The following CD200R1 variants were observed in gnomAD, a reference collection of about 807,000 sequenced individuals.
CD200R1 encodes the protein cell surface glycoprotein CD200 receptor 1.
In CD200R1, 30 loss-of-function variants were observed where a neutral mutation model predicts 38.1. That is an observed-to-expected ratio of 0.79 (90% CI 0.59 to 1.07). The LOEUF (loss-of-function observed/expected upper bound fraction) is 1.07, where lower values mean the gene tolerates loss of function less well. Ranked by LOEUF, CD200R1 falls within the 50% of genes least tolerant of loss-of-function variation. The pLI is 0.00. For missense variants in CD200R1, 372 were observed against 415.4 expected (o/e 0.90, Z 0.91); for synonymous variants, 128 against 152.1 (o/e 0.84, Z 1.16).
intron 2 of CD200R1, among the ~76,000 whole-genome samples, chr3:112,936,794 C>G (rs1419743271): frequency 2.0e-5 from 3 of 152,106 alleles, no homozygotes; most frequent in Non-Finnish European, 2.9e-5. Context: ...TGCAGAAGCT[C>G]TTTAGTTTAA....
At chr3:112,929,119 A>C in intron 4 of CD200R1, 55 bp from the exon 5 acceptor site, 1 of 1,612,244 alleles carries the variant, frequency 6.2e-7, no homozygotes, top group Non-Finnish European at 8.5e-7. Context: ...AAGCATATGG[A>C]ATTCAGAGAG....
At chr3:112,960,110 A>T (rs1007769838) in intron 1 of CD200R1, among the ~76,000 whole-genome samples, 3 of 152,088 alleles carry the variant, frequency 2.0e-5, no homozygotes, top group East Asian at 3.8e-4. Context: ...CTGAGATCTT[A>T]TTCACAAACA....
At chr3:112,964,374 G>A (rs887676459) in intron 1 of CD200R1, among the ~76,000 whole-genome samples, 2 of 152,154 alleles carry the variant, frequency 1.3e-5, no homozygotes, top group Admixed American at 6.5e-5. Context: ...CAGCCAGGAG[G>A]GTGGCTGTAC....
chr3:112,959,485 C>T (rs1459804055), intron 1 of CD200R1, among the ~76,000 whole-genome samples: 1 of 152,006 alleles, frequency 6.6e-6, no homozygotes, highest in African/African-American at 2.4e-5. Flanking sequence ...GGACTTGGGG[C>T]CTCTGTGCTG....
At chr3:112,970,854 A>C (rs1933289815) in intron 1 of CD200R1, among the ~76,000 whole-genome samples, 1 of 152,128 alleles carries the variant, frequency 6.6e-6, no homozygotes, top group African/African-American at 2.4e-5. Context: ...CTCCTACATG[A>C]GGTTAAGCAC....
At chr3:112,967,710 A>T (rs1024052060) in intron 1 of CD200R1, among the ~76,000 whole-genome samples, 1 of 152,178 alleles carries the variant, frequency 6.6e-6, no homozygotes, top group Non-Finnish European at 1.5e-5. Context: ...AATCTCAAAC[A>T]TTTAGCTGAA....
At chr3:112,970,566 AGAG>A (rs1303311510) in intron 1 of CD200R1, among the ~76,000 whole-genome samples, 1 of 152,228 alleles carries the variant, frequency 6.6e-6, no homozygotes, top group African/African-American at 2.4e-5. Context: ...ATAAGGCAGA[AGAG>A]GTAAAAACAT....
Position 112,936,218 on chromosome 3 carries a change from G to T in CD200R1, c.137-5047C>A, listed in dbSNP as rs144285985. ...CAGTCTATCACTGATGGGCATTTAG[G>T]TTGACTTCATGTCTTTGCTATTGTG... On this transcript the variant is annotated intron_variant, in intron 2 of 7. Coordinates refer to ENST00000308611, the MANE Select transcript of CD200R1 (RefSeq NM_138806.4). Among the ~76,000 whole-genome samples, 352 of 152,264 alleles carry T rather than the reference G, an allele frequency of 2.3e-3. 1 individual carries two copies. The highest frequency in any genetic ancestry group is 7.3e-3 in the African/African-American group (302 of 41,560).
At chr3:112,954,584 G>A (rs893237435) in intron 1 of CD200R1, among the ~76,000 whole-genome samples, 17 of 152,144 alleles carry the variant, frequency 1.1e-4, no homozygotes, top group Non-Finnish European at 1.6e-4. Flanking sequence ...TGAAGGTTAT[G>A]TTGATCACCA....
intron 1 of CD200R1, 43 bp downstream of exon 1, chr3:112,974,748 G>T: frequency 7.9e-7 from 1 of 1,270,464 alleles, no homozygotes; most frequent in Non-Finnish European, 1.2e-6. Flanking sequence ...GAAGAGCTGA[G>T]ACCAGGTTTC....
At chr3:112,966,338 C>T (rs985432350) in intron 1 of CD200R1, among the ~76,000 whole-genome samples, 1 of 152,190 alleles carries the variant, frequency 6.6e-6, no homozygotes, top group African/African-American at 2.4e-5. Flanking sequence ...ATTTTAGGCT[C>T]TATAGGGAGT....
chr3:112,961,954 TG>T (rs1243962286), intron 1 of CD200R1, among the ~76,000 whole-genome samples: 1 of 151,948 alleles, frequency 6.6e-6, no homozygotes, highest in Non-Finnish European at 1.5e-5. Context: ...AACATACAGA[TG>T]GGTTATAAAA....
intron 2 of CD200R1, among the ~76,000 whole-genome samples, chr3:112,943,767 G>A (rs1384735211): frequency 6.6e-6 from 1 of 151,664 alleles, no homozygotes; most frequent in East Asian, 1.9e-4. Flanking sequence ...TGATATGAAA[G>A]AGGGTATATT....
At chr3:112,925,660 T>C (rs1940264146) in intron 5 of CD200R1, among the ~76,000 whole-genome samples, 1 of 152,000 alleles carries the variant, frequency 6.6e-6, no homozygotes, top group African/African-American at 2.4e-5. Flanking sequence ...CTGGTGCAGG[T>C]GTAGGTGGGA....
chr3:112,962,664 T>C (rs762795826), intron 1 of CD200R1, among the ~76,000 whole-genome samples: 6 of 152,210 alleles, frequency 3.9e-5, no homozygotes, highest in Non-Finnish European at 7.3e-5. Flanking sequence ...AATTTTATTA[T>C]TAATTGGCAG....
At position 112,923,720 on chromosome 3, in the gene CD200R1, T is replaced by A. The variant is rs774081928; in HGVS notation, c.1004A>T (p.Glu335Val). The A allele has an allele frequency of 3.1e-6, 5 of 1,603,986 alleles. No individual in the cohort carries two copies. Among genetic ancestry groups the A allele is most frequent in the Non-Finnish European group, 4.3e-6 (5 of 1,172,204 alleles). The change falls in exon 8 of 8, where the codon GAG becomes GTG. Residue 335 changes from glutamate (E) to valine (V), a missense_variant. By Grantham distance (121) the Glu-to-Val change is moderately radical (BLOSUM62 -2). Coordinates refer to ENST00000308611, the MANE Select transcript of CD200R1 (RefSeq NM_138806.4). ...YDTTNKVKAS[E>V]ALQSEVDTDL... ...TGTGTCAACTTCACTTTGTAATGCC[T>A]CAGATGCCTTCACCTTGTTTGTAGT...
intron 1 of CD200R1, among the ~76,000 whole-genome samples, chr3:112,971,817 A>C (rs1226156666): frequency 6.6e-6 from 1 of 152,094 alleles, no homozygotes; most frequent in Non-Finnish European, 1.5e-5. Context: ...CTCTCTCTGA[A>C]GCACCTTGCA....
At chr3:112,928,098 G>T (rs1473516777) in intron 5 of CD200R1, among the ~76,000 whole-genome samples, 1 of 152,144 alleles carries the variant, frequency 6.6e-6, no homozygotes, top group Non-Finnish European at 1.5e-5. Context: ...GTCTAAATTT[G>T]ATACAGTAAG....
At chr3:112,972,791 C>T (rs562481347) in intron 1 of CD200R1, among the ~76,000 whole-genome samples, 1 of 152,202 alleles carries the variant, frequency 6.6e-6, no homozygotes, top group South Asian at 2.1e-4. Flanking sequence ...TCATTAGCTC[C>T]CTTGTTCCTT....
Sources: gnomAD v4.1 joint callset for allele counts (sites outside exome capture counted in the v4.1 genomes callset) on GRCh38, gnomAD v4.1.1 for gene constraint, MANE v1.5 for transcripts, NCBI Gene and HGNC (gene_info 2026-07-23, HGNC 2026-07-21) for gene names.